The following AS3MT variants were observed in gnomAD, a reference collection of about 807,000 sequenced individuals.
The protein encoded by AS3MT is S-adenosyl-L-methionine:arsenic(III) methyltransferase.
AS3MT carries 47 observed loss-of-function variants against 45.3 expected under a neutral mutation model. The ratio of observed to expected loss-of-function variants is 1.04; its 90% CI spans 0.82 to 1.32. AS3MT has a LOEUF of 1.32. Among genes scored for constraint, AS3MT ranks in the 40% most tolerant of loss-of-function variants. The probability of loss-of-function intolerance (pLI) is 0.00; values close to 1 mark genes in which losing one functional copy is unlikely to be tolerated. For synonymous variants in AS3MT, 141 were observed against 152.8 expected (o/e 0.92, Z 0.57); for missense variants, 396 against 451.1 (o/e 0.88, Z 1.11).
At position 102,870,125 on chromosome 10, in the gene AS3MT, G is replaced by A. The variant is rs1844653577; in HGVS notation, c.84G>A (p.Gln28=). ...TGCTGAAGAGATCGGCAGACCTCCA[G>A]ACCAACGGCTGTGTCACCACAGCCA... is the stretch of plus-strand genomic sequence containing the variant. ...GQVLKRSADL[Q]TNGCVTTARP... The change falls in exon 3 of 11, where the codon CAG becomes CAA. Residue 28 remains glutamine, a synonymous_variant. Transcript: ENST00000369880. 2 of 1,614,132 alleles carry A rather than the reference G, an allele frequency of 1.2e-6. No homozygotes were observed. The highest frequency in any genetic ancestry group is 1.7e-6 in the Non-Finnish European group (2 of 1,180,046).
At chr10:102,887,305 T>C (rs1376268207) in intron 9 of AS3MT, among the ~76,000 whole-genome samples, 1 of 152,218 alleles carries the variant, frequency 6.6e-6, no homozygotes, top group Non-Finnish European at 1.5e-5. Context: ...TCTGCAGCAG[T>C]TGAGTAAAAT....
At chr10:102,883,106 T>G (rs189578096) in intron 9 of AS3MT, among the ~76,000 whole-genome samples, 1,206 of 63,418 alleles carry the variant, frequency 0.019, 13 homozygotes, top group African/African-American at 0.049. Flanking sequence ...ATATATATGG[T>G]TTTTTTTTTT....
intron 9 of AS3MT, among the ~76,000 whole-genome samples, chr10:102,879,751 A>C (rs1339971495): frequency 6.9e-6 from 1 of 144,284 alleles, no homozygotes; most frequent in Non-Finnish European, 1.5e-5. Context: ...CCTGGGCAAC[A>C]GAGTGAGACT....
At position 102,896,246 on chromosome 10, in the gene AS3MT, C is replaced by T. The variant is rs555141126; in HGVS notation, c.1021-4347C>T. On this transcript the variant is annotated intron_variant, in intron 10 of 10. Coordinates refer to ENST00000369880, the MANE Select transcript of AS3MT (RefSeq NM_020682.4). ...ACTTGGGGGGCTGAGGCAGGAGGAT[C>T]GTTTTGAGCCCGGGATGTGGAGGCT... Among the ~76,000 whole-genome samples the T allele has an allele frequency of 3.9e-4, 57 of 146,426 alleles. 1 individual carries two copies. In the South Asian group the frequency reaches 0.011, roughly 28 times the overall value.
intron 10 of AS3MT, among the ~76,000 whole-genome samples, chr10:102,895,081 T>G (rs962357370): frequency 2.0e-5 from 3 of 152,242 alleles, no homozygotes; most frequent in Non-Finnish European, 4.4e-5. Flanking sequence ...TGACCCTTTT[T>G]GTTGACAATG....
rs1844832212 is a variant in AS3MT at position 102,878,945 on chromosome 10, C to T, written c.839C>T (p.Thr280Ile). ...RCQVIYNGGITGHEKELMFDA... is the reference protein window; with the variant it reads ...RCQVIYNGGIIGHEKELMFDA... ...CAAGTTATTTACAATGGAGGAATTACAGGACATGAAAAAGAACTAATGTTT... is the reference window on the plus strand; with the variant it reads ...CAAGTTATTTACAATGGAGGAATTATAGGACATGAAAAAGAACTAATGTTT... Residue 280 changes from threonine to isoleucine, a missense_variant, in exon 9 of 11, where the codon ACA becomes ATA. Coordinates refer to ENST00000369880, the MANE Select transcript of AS3MT (RefSeq NM_020682.4). The T allele has an allele frequency of 1.9e-6, 3 of 1,612,912 alleles. No homozygotes were observed. The highest frequency in any genetic ancestry group is 3.3e-5 in the Admixed American group (2 of 59,952).
intron 6 of AS3MT, among the ~76,000 whole-genome samples, chr10:102,875,400 C>G (rs532451817): frequency 1.3e-5 from 2 of 149,828 alleles, no homozygotes; most frequent in Admixed American, 1.3e-4. Context: ...TAGCTTGAAC[C>G]CAGAAGTCAG....
chr10:102,884,205 C>G (rs1432132160), intron 9 of AS3MT, among the ~76,000 whole-genome samples: 1 of 151,904 alleles, frequency 6.6e-6, no homozygotes, highest in Non-Finnish European at 1.5e-5. Flanking sequence ...GTCTTGAACT[C>G]CTGACCTCAG....
At chr10:102,877,558 C>A (rs1844801480) in intron 7 of AS3MT, among the ~76,000 whole-genome samples, 1 of 110,836 alleles carries the variant, frequency 9.0e-6, no homozygotes, top group South Asian at 3.0e-4. Context: ...TTGGAAAGTG[C>A]CAAAAAAAAA....
chr10:102,889,614 G>GCCTGCCCGCCTT (rs559139049), intron 9 of AS3MT, among the ~76,000 whole-genome samples: 18 of 113,954 alleles, frequency 1.6e-4, no homozygotes, highest in African/African-American at 5.6e-4. Context: ...CTGTCTGCCT[G>GCCTGCCCGCCTT]CCTTCCTTCC....
intron 10 of AS3MT, among the ~76,000 whole-genome samples, chr10:102,892,077 A>G (rs773484730): frequency 9.2e-5 from 14 of 151,956 alleles, no homozygotes; most frequent in Non-Finnish European, 1.9e-4. Flanking sequence ...TGAATCATTA[A>G]TTATTTCTTG....
chr10:102,890,146 G>A (rs1038182655), intron 9 of AS3MT, among the ~76,000 whole-genome samples: 27 of 150,586 alleles, frequency 1.8e-4, no homozygotes, highest in Admixed American at 1.3e-3. Context: ...GACAACAGGC[G>A]CCTGCCACTA....
At chr10:102,870,010 G>T in intron 2 of AS3MT, 74 bp from the exon 3 acceptor site, 1 of 1,582,194 alleles carries the variant, frequency 6.3e-7, no homozygotes, top group Non-Finnish European at 8.6e-7. Flanking sequence ...TGGAGGTGGT[G>T]ACGGAGCCCT....
intron 9 of AS3MT, among the ~76,000 whole-genome samples, chr10:102,886,287 TCCTCCCTC>T (rs144641573): frequency 0.093 from 13,876 of 149,130 alleles, 874 homozygotes; most frequent in East Asian, 0.28. Flanking sequence ...ATTCCTTCCT[TCCTCCCTC>T]CCTCCCTCCC....
chr10:102,869,954 T>A, intron 2 of AS3MT, 109 bp downstream of exon 2: 1 of 1,566,274 alleles, frequency 6.4e-7, no homozygotes, highest in Non-Finnish European at 8.7e-7. Context: ...TAGGGCAGGG[T>A]CTAGGCTTCG....
rs777061336 is a variant in AS3MT at position 102,870,064 on chromosome 10, A to T, written c.43-20A>T. The T allele has an allele frequency of 6.2e-7, 1 of 1,612,998 alleles. No homozygotes were observed. Among genetic ancestry groups the T allele is most frequent in the South Asian group, 1.1e-5 (1 of 91,052 alleles). On this transcript the variant is annotated intron_variant, in intron 2 of 10. Transcript: ENST00000369880. ...CTTCTCCCTCTCTACCCCTCACTCCACTGTGGGACGCTGGGTCAGACCTAC... is the reference window on the plus strand; with the variant it reads ...CTTCTCCCTCTCTACCCCTCACTCCTCTGTGGGACGCTGGGTCAGACCTAC...
intron 3 of AS3MT, 97 bp downstream of exon 3, chr10:102,870,308 A>C (rs1844656302): frequency 2.1e-6 from 3 of 1,440,560 alleles, no homozygotes; most frequent in Non-Finnish European, 2.9e-6. Flanking sequence ...GTAGCCACCA[A>C]CCCATCAGCT....
chr10:102,879,068 G>A, intron 9 of AS3MT, 77 bp downstream of exon 9: 1 of 1,450,288 alleles, frequency 6.9e-7, no homozygotes, highest in African/African-American at 1.4e-5. Flanking sequence ...TCTTGACTTT[G>A]CATTGCCTCC....
At chr10:102,879,768 C>CA (rs1191489555) in intron 9 of AS3MT, among the ~76,000 whole-genome samples, 22,226 of 60,058 alleles carry the variant, frequency 0.37, 3,177 homozygotes, top group Middle Eastern at 0.45. Flanking sequence ...GACTCCATCT[C>CA]AAAAAAAAAA....
Sources: gnomAD v4.1 joint callset for allele counts (sites outside exome capture counted in the v4.1 genomes callset) on GRCh38, gnomAD v4.1.1 for gene constraint, MANE v1.5 for transcripts, NCBI Gene and HGNC (gene_info 2026-07-23, HGNC 2026-07-21) for gene names.